EML6: variants seen among roughly 807,000 people sequenced by gnomAD.
EML6 encodes EMAP like 6, also known as echinoderm microtubule-associated protein-like 6.
A neutral mutation model predicts 240.1 loss-of-function variants in EML6; 154 were observed. That is an observed-to-expected ratio of 0.64 (90% CI 0.56 to 0.73). The LOEUF is 0.73. Ranked by LOEUF, EML6 falls within the 30% of genes least tolerant of loss-of-function variation. EML6 has a pLI of 0.00. For missense variants in EML6, 2,964 were observed against 2,474.6 expected, an observed-to-expected ratio of 1.20 and a Z score of -4.20; for synonymous variants, 1,148 against 899.0, an observed-to-expected ratio of 1.28 and a Z score of -4.95.
intron 2 of EML6, among the ~76,000 whole-genome samples, chr2:54,767,703 G>A (rs572845476): frequency 6.6e-6 from 1 of 151,842 alleles, no homozygotes; most frequent in Admixed American, 6.6e-5. Context: ...TGTAGAGACG[G>A]GGTCTCATTA....
intron 16 of EML6, among the ~76,000 whole-genome samples, chr2:54,878,657 A>G (rs1382050684): frequency 6.6e-6 from 1 of 152,242 alleles, no homozygotes; most frequent in Non-Finnish European, 1.5e-5. Flanking sequence ...AGAGAAATAA[A>G]TTGTCCTGGA....
intron 25 of EML6, among the ~76,000 whole-genome samples, chr2:54,915,273 G>A (rs1174918234): frequency 1.3e-5 from 2 of 152,132 alleles, no homozygotes; most frequent in South Asian, 4.1e-4. Context: ...TCTGCCAGGG[G>A]AGCAATACCA....
chr2:54,817,893 G>A (rs955645846), intron 4 of EML6, among the ~76,000 whole-genome samples: 14 of 151,852 alleles, frequency 9.2e-5, no homozygotes, highest in African/African-American at 2.4e-4. Context: ...TCTACTCCAG[G>A]ATCAAGTCTT....
At chr2:54,831,434 T>A (rs1558588393) in intron 7 of EML6, among the ~76,000 whole-genome samples, 1 of 152,074 alleles carries the variant, frequency 6.6e-6, no homozygotes, top group Admixed American at 6.6e-5. Flanking sequence ...AATGAGGATC[T>A]GTGTAACCAG....
chr2:54,936,881 T>C (rs745600479), intron 28 of EML6, among the ~76,000 whole-genome samples: 9 of 152,034 alleles, frequency 5.9e-5, no homozygotes, highest in African/African-American at 1.9e-4. Context: ...CAAACTCACC[T>C]AAAGCATATT....
In EML6 at chr2:54,970,012, C is replaced by T. The variant is rs997076897; in HGVS notation, c.5853-59C>T. On this transcript the variant is annotated intron_variant, in intron 41 of 41. Coordinates refer to ENST00000356458, the MANE Select transcript of EML6 (RefSeq NM_001039753.4). ...AGCACTTGGCAAGATTGTTTTTTGC[C>T]ACTTGACACAAGTATGATGTCCAGC... is the stretch of plus-strand genomic sequence containing the variant. The T allele has an allele frequency of 3.2e-6, 5 of 1,539,086 alleles. No homozygotes were observed. The African/African-American group carries it at 5.5e-5, about 17-fold the overall frequency.
At chr2:54,843,910 T>A in intron 7 of EML6, 137 bp from the exon 8 acceptor site, 1 of 687,702 alleles carries the variant, frequency 1.5e-6, no homozygotes. Flanking sequence ...CAAGAGTCTT[T>A]AAGATGTGTC....
chr2:54,896,775 A>G (rs141293128), intron 21 of EML6, among the ~76,000 whole-genome samples: 2 of 152,280 alleles, frequency 1.3e-5, no homozygotes, highest in Non-Finnish European at 2.9e-5. Context: ...GACTTACTGT[A>G]TCATGGAAAC....
chr2:54,770,646 C>T (rs1180727130), intron 2 of EML6, among the ~76,000 whole-genome samples: 1 of 152,186 alleles, frequency 6.6e-6, no homozygotes, highest in Non-Finnish European at 1.5e-5. Context: ...GCCACCATTC[C>T]ACAAAATCAG....
At chr2:54,824,269 C>A (rs1174442642) in intron 5 of EML6, among the ~76,000 whole-genome samples, 2 of 152,086 alleles carry the variant, frequency 1.3e-5, no homozygotes, top group East Asian at 1.9e-4. Flanking sequence ...AGCTACTTAT[C>A]CTGTTTAAAT....
intron 2 of EML6, among the ~76,000 whole-genome samples, chr2:54,799,736 C>T (rs1368773397): frequency 6.6e-6 from 1 of 152,132 alleles, no homozygotes; most frequent in Non-Finnish European, 1.5e-5. Context: ...CTATCTGACC[C>T]TTTATAGAAG....
chr2:54,971,934 T>A lies in EML6; in HGVS notation c.*1839T>A, dbSNP rs1677041749. 1 of 152,240 alleles carries A rather than the reference T, an allele frequency of 6.6e-6. No individual in the cohort carries two copies. Among genetic ancestry groups the A allele is most frequent in the Non-Finnish European group, 1.5e-5 (1 of 68,042 alleles). 9.4% of individuals were successfully genotyped at this position (152,240 alleles called of 1,614,324 possible). Reference sequence around the variant, plus strand: ...TCCTGCACTGTATGATATATGTGAGTTAAAACATTGGTGCATGAATTTATT... The same window carrying A: ...TCCTGCACTGTATGATATATGTGAGATAAAACATTGGTGCATGAATTTATT... On this transcript the variant is annotated 3_prime_UTR_variant, in exon 42 of 42. Transcript: ENST00000356458.
chr2:54,937,278 CAAA>C (rs148412435), intron 28 of EML6, among the ~76,000 whole-genome samples: 1 of 140,552 alleles, frequency 7.1e-6, no homozygotes, highest in Admixed American at 7.1e-5. Context: ...AACTCTGTCT[CAAA>C]AAAAAAAAAG....
At chr2:54,862,288 C>T (rs752339959) in intron 12 of EML6, among the ~76,000 whole-genome samples, 15 of 135,990 alleles carry the variant, frequency 1.1e-4, no homozygotes, top group South Asian at 2.4e-4. Flanking sequence ...CAGTGAGCCA[C>T]GATTGTGCCA....
rs1668510623 is a variant in EML6, at chr2:54,774,304, G to T, written c.198-38928G>T. Reference sequence around the variant, plus strand: ...AAGGGAGGGCAGAGAGAGAAGTCAGGATACTATGCAGGCTCCACAGGATGG... The same window carrying T: ...AAGGGAGGGCAGAGAGAGAAGTCAGTATACTATGCAGGCTCCACAGGATGG... On this transcript the variant is annotated intron_variant, in intron 2 of 41. Coordinates refer to ENST00000356458, the MANE Select transcript of EML6 (RefSeq NM_001039753.4). This position sits in a 1 kb window ranked among gnomAD's most constrained non-coding sequence, Gnocchi z 4.1. 6.6e-6 allele frequency among the ~76,000 whole-genome samples: 1 copy of T among 152,206 alleles called. No individual in the cohort carries two copies. Among genetic ancestry groups the T allele is most frequent in the Non-Finnish European group, 1.5e-5 (1 of 68,036 alleles).
chr2:54,815,950 A>G (rs538664382), intron 3 of EML6, among the ~76,000 whole-genome samples: 5 of 152,322 alleles, frequency 3.3e-5, no homozygotes, highest in South Asian at 2.1e-4. Flanking sequence ...CAACAATCCA[A>G]TAATGCAGAA....
At chr2:54,731,510 G>A (rs180671159) in intron 2 of EML6, among the ~76,000 whole-genome samples, 21 of 152,176 alleles carry the variant, frequency 1.4e-4, no homozygotes, top group East Asian at 1.4e-3. Context: ...GCATGGTGGC[G>A]TGTGCCTATG....
chr2:54,831,752 T>C (rs543573596), intron 7 of EML6, among the ~76,000 whole-genome samples: 2 of 152,138 alleles, frequency 1.3e-5, no homozygotes, highest in African/African-American at 2.4e-5. Context: ...AAGGATGGTA[T>C]AGATCATGTT....
chr2:54,929,847 T>C (rs900194086), intron 28 of EML6, among the ~76,000 whole-genome samples: 4 of 152,186 alleles, frequency 2.6e-5, no homozygotes, highest in African/African-American at 9.7e-5. Context: ...TTGTTAGATA[T>C]TACAAAGATC....
Sources: allele counts gnomAD v4.1 joint callset (sites outside exome capture counted in the v4.1 genomes callset), GRCh38; gene constraint gnomAD v4.1.1; non-coding constraint Gnocchi (gnomAD v3.1); transcripts MANE v1.5; gene names NCBI Gene and HGNC (gene_info 2026-07-23, HGNC 2026-07-21).